The following TMEM74 variants were observed in gnomAD, a reference collection of about 807,000 sequenced individuals.
TMEM74 encodes transmembrane protein 74.
In TMEM74, 13 loss-of-function variants were observed where a neutral mutation model predicts 18.1. The observed-to-expected ratio is 0.72, with a 90% CI of 0.47 to 1.14. The LOEUF is 1.14. Ranked by LOEUF, TMEM74 falls within the 50% of genes most tolerant of loss-of-function variation. The pLI, the probability that TMEM74 is intolerant of heterozygous loss-of-function variation, is 0.00. For missense variants in TMEM74, 372 were observed against 375.9 expected, an observed-to-expected ratio of 0.99 and a Z score of 0.09; for synonymous variants, 159 against 146.6, an observed-to-expected ratio of 1.08 and a Z score of -0.61.
At chr8:108,753,851 A>C (rs1330682053) in intron 1 of TMEM74, among the ~76,000 whole-genome samples, 1 of 152,012 alleles carries the variant, frequency 6.6e-6, no homozygotes, top group Non-Finnish European at 1.5e-5. Flanking sequence ...ATTTGTGTGA[A>C]TCAAGTGTAT....
chr8:108,655,748 T>C (rs926532735), intron 1 of TMEM74, among the ~76,000 whole-genome samples: 1 of 152,114 alleles, frequency 6.6e-6, no homozygotes, highest in African/African-American at 2.4e-5. Context: ...CCACAGCTGG[T>C]TATTATAAGT....
chr8:108,623,827 A>T (rs951444911), intron 2 of TMEM74, among the ~76,000 whole-genome samples: 4 of 151,958 alleles, frequency 2.6e-5, no homozygotes, highest in African/African-American at 7.2e-5. Flanking sequence ...TGATTTTTAC[A>T]ACTGCTATTG....
chr8:108,631,480 A>C (rs142630656), intron 2 of TMEM74, among the ~76,000 whole-genome samples: 1 of 152,066 alleles, frequency 6.6e-6, no homozygotes, highest in African/African-American at 2.4e-5. Context: ...TCAAAAGCAC[A>C]CTCAAAACAC....
At chr8:108,726,853 C>CA (rs201785710) in intron 1 of TMEM74, among the ~76,000 whole-genome samples, 2,124 of 151,448 alleles carry the variant, frequency 0.014, 35 homozygotes, top group Non-Finnish European at 0.019. Flanking sequence ...TGATAAATGC[C>CA]AAAAAAACCT....
chr8:108,694,022 G>C (rs971238728), intron 1 of TMEM74, among the ~76,000 whole-genome samples: 6 of 152,164 alleles, frequency 3.9e-5, no homozygotes, highest in African/African-American at 1.4e-4. Flanking sequence ...CATTTTATTT[G>C]TATAAATTTA....
chr8:108,711,031 T>A (rs957490397), intron 1 of TMEM74, among the ~76,000 whole-genome samples: 1 of 152,224 alleles, frequency 6.6e-6, no homozygotes, highest in Non-Finnish European at 1.5e-5. Context: ...AGCACAGCCA[T>A]GTTCTTTACA....
At chr8:108,680,522 T>C (rs187773194) in intron 1 of TMEM74, among the ~76,000 whole-genome samples, 17 of 152,226 alleles carry the variant, frequency 1.1e-4, no homozygotes, top group Admixed American at 6.5e-4. Flanking sequence ...TATCTCAAAA[T>C]AATAAGAGCT....
At chr8:108,709,280 G>A (rs1270473112) in intron 1 of TMEM74, among the ~76,000 whole-genome samples, 34 of 152,104 alleles carry the variant, frequency 2.2e-4, no homozygotes, top group Admixed American at 2.2e-3. Flanking sequence ...AACAATCTAA[G>A]TCTCTATCAA....
chr8:108,781,373 T>C lies in TMEM74; in HGVS notation c.*2808A>G, dbSNP rs546237676. On this transcript the variant is annotated 3_prime_UTR_variant, in exon 2 of 2. Transcript: ENST00000297459. ...AGTACCTCTAGAGCCAAAAACACTC[T>C]TTGTCAGATTGGGAAAAACAGGAAA... is the stretch of plus-strand genomic sequence containing the variant. Among the ~76,000 whole-genome samples the C allele has an allele frequency of 6.6e-6, 1 of 152,274 alleles. No individual in the cohort carries two copies. Among genetic ancestry groups the C allele is most frequent in the Non-Finnish European group, 1.5e-5 (1 of 68,012 alleles).
At chr8:108,659,086 AG>A (rs2130579312) in intron 1 of TMEM74, among the ~76,000 whole-genome samples, 1 of 152,314 alleles carries the variant, frequency 6.6e-6, no homozygotes, top group South Asian at 2.1e-4. Flanking sequence ...AAATATATAA[AG>A]AAAGGAGTTA....
rs552698960 is a variant in TMEM74, at chr8:108,672,267, G to T, written n.120-16830C>A. On this transcript the variant is annotated intron_variant and non_coding_transcript_variant, in intron 1 of 3. Transcript: ENST00000518838. ...ATGGGGAGGAAAAGAAGAAAAAATT[G>T]TTCCTAACAGTAGGGGATGGCTTGA... 5.3e-5 allele frequency among the ~76,000 whole-genome samples: 8 copies of T among 152,256 alleles called. No individual in the cohort carries two copies. The East Asian group carries it at 1.4e-3, about 26-fold the overall frequency.
intron 2 of TMEM74, among the ~76,000 whole-genome samples, chr8:108,622,071 C>T (rs770772600): frequency 6.6e-5 from 10 of 152,134 alleles, no homozygotes; most frequent in Non-Finnish European, 1.2e-4. Context: ...TATCTTAACA[C>T]GTAATCTACT....
intron 1 of TMEM74, among the ~76,000 whole-genome samples, chr8:108,696,725 C>T (rs1252747402): frequency 6.6e-6 from 1 of 152,158 alleles, no homozygotes; most frequent in Non-Finnish European, 1.5e-5. Context: ...GTTAAAATTG[C>T]TCATTTTAAT....
intron 1 of TMEM74, among the ~76,000 whole-genome samples, chr8:108,767,131 T>G (rs1191261249): frequency 6.6e-6 from 1 of 152,174 alleles, no homozygotes; most frequent in African/African-American, 2.4e-5. Flanking sequence ...TCCGGTCAAG[T>G]TGACACTCAA....
At chr8:108,613,525 G>A (rs1812355268) in intron 2 of TMEM74, among the ~76,000 whole-genome samples, 2 of 152,222 alleles carry the variant, frequency 1.3e-5, no homozygotes, top group South Asian at 2.1e-4. Context: ...TTGTGAATCA[G>A]ATTGCTGTCA....
intron 2 of TMEM74, among the ~76,000 whole-genome samples, chr8:108,610,122 A>T (rs1812320422): frequency 6.6e-6 from 1 of 152,214 alleles, no homozygotes; most frequent in African/African-American, 2.4e-5. Context: ...AGGACCTAGG[A>T]ACCTGCATTT....
At chr8:108,612,807 GA>G (rs1467274611) in intron 2 of TMEM74, among the ~76,000 whole-genome samples, 1 of 152,146 alleles carries the variant, frequency 6.6e-6, no homozygotes, top group Non-Finnish European at 1.5e-5. Context: ...TCTTCAAGTT[GA>G]AGAAGAACTA....
At chr8:108,673,097 A>G (rs1813019754) in intron 1 of TMEM74, among the ~76,000 whole-genome samples, 1 of 152,212 alleles carries the variant, frequency 6.6e-6, no homozygotes, top group Non-Finnish European at 1.5e-5. Context: ...AAATTCTAAG[A>G]AAATTGGATC....
intron 1 of TMEM74, among the ~76,000 whole-genome samples, chr8:108,745,842 T>C (rs1228421015): frequency 6.6e-6 from 1 of 152,190 alleles, no homozygotes; most frequent in African/African-American, 2.4e-5. Context: ...AGTTATGTTA[T>C]CTATAGATTA....
Sources: gnomAD v4.1 joint callset for allele counts (sites outside exome capture counted in the v4.1 genomes callset) on GRCh38, gnomAD v4.1.1 for gene constraint, MANE v1.5 for transcripts, NCBI Gene and HGNC (gene_info 2026-07-23, HGNC 2026-07-21) for gene names.